The following CDH4 variants were observed in gnomAD, a reference collection of about 807,000 sequenced individuals.
CDH4 encodes the protein cadherin-4.
CDH4 carries 33 observed loss-of-function variants against 86.0 expected under a neutral mutation model. The observed-to-expected ratio is 0.38, with a 90% confidence interval of 0.29 to 0.51. The LOEUF is 0.51. Among genes scored for constraint, CDH4 ranks in the 20% least tolerant of loss-of-function variants. The pLI, the probability that CDH4 is intolerant of heterozygous loss-of-function variation, is 0.86. For missense variants in CDH4, 1,114 were observed against 1,307.4 expected, an observed-to-expected ratio of 0.85 and a Z score of 2.28; for synonymous variants, 555 against 549.4, an observed-to-expected ratio of 1.01 and a Z score of -0.14.
At chr20:61,908,998 C>A (rs150758365) in intron 8 of CDH4, among the ~76,000 whole-genome samples, 1 of 152,246 alleles carries the variant, frequency 6.6e-6, no homozygotes, top group Non-Finnish European at 1.5e-5. Context: ...GACACCCTAA[C>A]GGCCTTGTTT....
chr20:61,561,615 C>A (rs1419897648), intron 2 of CDH4, among the ~76,000 whole-genome samples: 1 of 152,228 alleles, frequency 6.6e-6, no homozygotes, highest in East Asian at 1.9e-4. Flanking sequence ...CCCGTGAGCC[C>A]AATCTGGCCT....
At chr20:61,915,287 T>A (rs965848956) in intron 9 of CDH4, among the ~76,000 whole-genome samples, 4 of 152,168 alleles carry the variant, frequency 2.6e-5, no homozygotes, top group Non-Finnish European at 4.4e-5. Flanking sequence ...GTTCCACAGG[T>A]TTGAGGCCGA....
chr20:61,723,706 A>G (rs988135129), intron 2 of CDH4, among the ~76,000 whole-genome samples: 2 of 152,214 alleles, frequency 1.3e-5, no homozygotes, highest in Admixed American at 6.5e-5. Context: ...ATCTATTTGC[A>G]TTTCCTGAGT....
intron 2 of CDH4, among the ~76,000 whole-genome samples, chr20:61,627,675 G>C (rs1370643751): frequency 6.6e-6 from 1 of 152,044 alleles, no homozygotes; most frequent in South Asian, 2.1e-4. Context: ...GAGGCCCCCT[G>C]GTTGGGACAG....
intron 6 of CDH4, among the ~76,000 whole-genome samples, chr20:61,863,184 C>G (rs1983403217): frequency 6.6e-6 from 1 of 152,234 alleles, no homozygotes. Context: ...AAGAGCCGAG[C>G]CTGGCAGCCT....
intron 2 of CDH4, among the ~76,000 whole-genome samples, chr20:61,266,314 C>T (rs2084158013): frequency 6.6e-6 from 1 of 151,976 alleles, no homozygotes; most frequent in African/African-American, 2.4e-5. Context: ...CTCTGTCTCT[C>T]CCCAGGGGAG....
chr20:61,938,067 G>T lies in CDH4; in HGVS notation c.*1124G>T. Reference sequence around the variant, plus strand: ...TCCCCAGCCTGTGCTCCTGATTCCCGCCAGACGCTTGTGAGCCTGTGTGGG... The same window carrying T: ...TCCCCAGCCTGTGCTCCTGATTCCCTCCAGACGCTTGTGAGCCTGTGTGGG... On this transcript the variant is annotated 3_prime_UTR_variant, in exon 16 of 16. Transcript: ENST00000614565. The T allele has an allele frequency of 6.5e-6, 1 of 152,712 alleles. No homozygotes were observed. The highest frequency in any genetic ancestry group is 1.5e-5 in the Non-Finnish European group (1 of 68,356). 9.5% of individuals were successfully genotyped at this position (152,712 alleles called of 1,614,324 possible).
intron 2 of CDH4, among the ~76,000 whole-genome samples, chr20:61,742,231 G>A (rs539610557): frequency 9.2e-5 from 14 of 152,234 alleles, no homozygotes; most frequent in African/African-American, 2.6e-4. Flanking sequence ...AGGAGCCACC[G>A]GGGGGCTCTG....
chr20:61,870,125 TC>T, intron 6 of CDH4, among the ~76,000 whole-genome samples: 1 of 152,244 alleles, frequency 6.6e-6, no homozygotes, highest in African/African-American at 2.4e-5. Context: ...TCGCTGTCCC[TC>T]CACCTCCCCC....
At chr20:61,547,593 G>C (rs552911349) in intron 2 of CDH4, among the ~76,000 whole-genome samples, 2 of 151,196 alleles carry the variant, frequency 1.3e-5, no homozygotes, top group South Asian at 2.1e-4. Flanking sequence ...GGGTGGGGGT[G>C]GGGGGATACT....
intron 2 of CDH4, among the ~76,000 whole-genome samples, chr20:61,389,786 C>T (rs772648028): frequency 3.9e-5 from 6 of 152,318 alleles, no homozygotes; most frequent in Non-Finnish European, 5.9e-5. Context: ...AAAGGATCCT[C>T]CCCAAAGTGC....
chr20:61,307,432 G>A (rs1307464890), intron 2 of CDH4, among the ~76,000 whole-genome samples: 5 of 151,358 alleles, frequency 3.3e-5, no homozygotes, highest in Non-Finnish European at 2.9e-5. Flanking sequence ...CGTTGCATGT[G>A]TCAGGCACTC....
At chr20:61,904,609 C>T (rs943582311) in intron 8 of CDH4, among the ~76,000 whole-genome samples, 10 of 152,186 alleles carry the variant, frequency 6.6e-5, no homozygotes, top group Non-Finnish European at 8.8e-5. Context: ...GGTGCTGCAC[C>T]GAGTGCCCTG....
intron 2 of CDH4, among the ~76,000 whole-genome samples, chr20:61,439,285 G>GGTTGTACTGCGGTGTGCGTTTCA (rs2085302425): frequency 1.3e-5 from 2 of 152,154 alleles, no homozygotes; most frequent in African/African-American, 4.8e-5. Flanking sequence ...TGTGCATTTC[G>GGTTGTACTGCGGTGTGCGTTTCA]GTTGTACAGT....
intron 2 of CDH4, among the ~76,000 whole-genome samples, chr20:61,414,449 G>A (rs1183786241): frequency 6.6e-5 from 10 of 152,218 alleles, no homozygotes; most frequent in Non-Finnish European, 8.8e-5. Context: ...GCCCTGCGTG[G>A]AGGCCATTCT....
intron 3 of CDH4, among the ~76,000 whole-genome samples, chr20:61,753,702 A>G (rs2088525442): frequency 6.6e-6 from 1 of 152,184 alleles, no homozygotes; most frequent in African/African-American, 2.4e-5. Context: ...AAAAAAAGAA[A>G]CTGTTGTTTA....
intron 2 of CDH4, among the ~76,000 whole-genome samples, chr20:61,455,941 GGATA>G (rs1403711576): frequency 6.6e-6 from 1 of 152,048 alleles, no homozygotes; most frequent in Non-Finnish European, 1.5e-5. Context: ...GTGGATGGAT[GGATA>G]GATCTATGGA....
rs185290998 is a variant in CDH4, at chr20:61,705,773, T to A, written c.170-37790T>A. Among the ~76,000 whole-genome samples the A allele has an allele frequency of 2.0e-3, 308 of 152,348 alleles. 3 individuals are homozygous for A. The highest frequency in any genetic ancestry group is 3.9e-3 in the Non-Finnish European group (264 of 68,032). Reference sequence around the variant, plus strand: ...TGTGAGCCCAGTGATGTTTTAAATGTGGTGGATGCCTGCAGAATCGCCGAC... The same window carrying A: ...TGTGAGCCCAGTGATGTTTTAAATGAGGTGGATGCCTGCAGAATCGCCGAC... On this transcript the variant is annotated intron_variant, in intron 2 of 15. Coordinates refer to ENST00000614565, the MANE Select transcript of CDH4 (RefSeq NM_001794.5).
chr20:61,305,031 A>ATG (rs1274394906), intron 2 of CDH4, among the ~76,000 whole-genome samples: 4 of 144,066 alleles, frequency 2.8e-5, no homozygotes, highest in African/African-American at 7.8e-5. Flanking sequence ...TGTGTGTTGT[A>ATG]TGTGTGTGTG....
Sources: gnomAD v4.1 joint callset for allele counts (sites outside exome capture counted in the v4.1 genomes callset) on GRCh38, gnomAD v4.1.1 for gene constraint, MANE v1.5 for transcripts, NCBI Gene and HGNC (gene_info 2026-07-23, HGNC 2026-07-21) for gene names.